LAMA3: variants seen among roughly 807,000 people sequenced by gnomAD.
The protein encoded by LAMA3 is laminin subunit alpha 3.
A neutral mutation model predicts 402.0 loss-of-function variants in LAMA3; 281 were observed. That is an observed-to-expected ratio of 0.70 (90% CI 0.63 to 0.77). The LOEUF (loss-of-function observed/expected upper bound fraction) is 0.77, where lower values mean the gene tolerates loss of function less well. Among genes scored for constraint, LAMA3 ranks in the 30% least tolerant of loss-of-function variants. LAMA3 has a pLI of 0.00. For synonymous variants in LAMA3, 1,431 were observed against 1,558.4 expected, an observed-to-expected ratio of 0.92 and a Z score of 1.93; for missense variants, 3,840 against 4,215.5, an observed-to-expected ratio of 0.91 and a Z score of 2.47.
intron 51 of LAMA3, 24 bp from the exon 52 acceptor site, chr18:23,905,498 G>A (rs2081211965): frequency 7.8e-7 from 1 of 1,281,384 alleles, no homozygotes. Context: ...ATTTGTTTAA[G>A]GCTGTTAAAT....
intron 13 of LAMA3, among the ~76,000 whole-genome samples, chr18:23,811,696 C>T (rs981611778): frequency 3.3e-5 from 5 of 151,780 alleles, no homozygotes; most frequent in South Asian, 4.2e-4. Context: ...TTGGGTATTA[C>T]GGAAAAATGC....
intron 2 of LAMA3, among the ~76,000 whole-genome samples, chr18:23,746,190 T>G (rs770644055): frequency 1.3e-5 from 2 of 152,168 alleles, no homozygotes; most frequent in African/African-American, 2.4e-5. Context: ...AATAAGCACT[T>G]TTTTCAAGAT....
intron 42 of LAMA3, among the ~76,000 whole-genome samples, chr18:23,890,807 A>G (rs1323533711): frequency 6.6e-6 from 1 of 152,230 alleles, no homozygotes; most frequent in Non-Finnish European, 1.5e-5. Flanking sequence ...ACTATCCCCA[A>G]AGGAATGCAG....
At chr18:23,948,035 A>G (rs1007151698) in intron 70 of LAMA3, among the ~76,000 whole-genome samples, 21 of 152,038 alleles carry the variant, frequency 1.4e-4, no homozygotes, top group African/African-American at 4.8e-4. Context: ...AATGGTCTCG[A>G]TCTCCTGACC....
intron 55 of LAMA3, among the ~76,000 whole-genome samples, chr18:23,911,265 C>A (rs180857372): frequency 6.6e-6 from 1 of 152,164 alleles, no homozygotes; most frequent in Non-Finnish European, 1.5e-5. Context: ...GATTTAATGC[C>A]TTGCATATAC....
intron 8 of LAMA3, among the ~76,000 whole-genome samples, chr18:23,772,297 C>G (rs1403482215): frequency 6.6e-6 from 1 of 152,212 alleles, no homozygotes; most frequent in Admixed American, 6.5e-5. Flanking sequence ...ACTTTGGCCT[C>G]CCAGACTGCT....
intron 65 of LAMA3, 145 bp downstream of exon 65, chr18:23,931,346 C>T (rs2082156740): frequency 4.2e-6 from 3 of 712,168 alleles, no homozygotes; most frequent in Admixed American, 2.3e-5. Context: ...TTCCTTTTTC[C>T]ATATCAATTT....
intron 39 of LAMA3, among the ~76,000 whole-genome samples, chr18:23,880,401 C>T (rs2144904854): frequency 6.6e-6 from 1 of 152,310 alleles, no homozygotes; most frequent in African/African-American, 2.4e-5. Flanking sequence ...GATATTTTAA[C>T]ATCTTAGTGT....
At chr18:23,735,594 C>T (rs1309080106) in intron 2 of LAMA3, among the ~76,000 whole-genome samples, 5 of 152,176 alleles carry the variant, frequency 3.3e-5, no homozygotes, top group Admixed American at 1.3e-4. Flanking sequence ...CCTTGAGGTG[C>T]GCTCACTGCT....
chr18:23,857,967 G>C lies in LAMA3; in HGVS notation c.4260G>C (p.Gly1420=), dbSNP rs867449. 908,819 of 1,613,780 alleles carry C rather than the reference G, an allele frequency of 0.56. 268,765 individuals carry two copies. Among genetic ancestry groups the C allele is most frequent in the Non-Finnish European group, 0.62 (728,928 of 1,179,838 alleles). ...DGTEPGVCDP[G]TGACLCKENV... ...CTGAGCCAGGAGTGTGTGACCCAGG[G>C]ACCGGGGCTTGCCTCTGCAAGGTAA... The change falls in exon 33 of 75, where the codon GGG becomes GGC. Residue 1420 remains glycine, a synonymous_variant. Transcript: ENST00000313654.
rs140617840 is a variant in LAMA3 at position 23,889,698 on chromosome 18, GAGGGAGGA to G, written c.5304-301_5304-294del. Among the ~76,000 whole-genome samples, 65,808 of 124,764 alleles carry G rather than the reference GAGGGAGGA, an allele frequency of 0.53. 17,671 individuals carry two copies. Among genetic ancestry groups the G allele is most frequent in the Middle Eastern group, 0.62 (167 of 268 alleles). The allele number at this position is 124,764 out of a possible 152,430, so 81.9% of individuals were successfully genotyped here. On this transcript the variant is annotated intron_variant, in intron 41 of 74. Coordinates refer to ENST00000313654, the MANE Select transcript of LAMA3 (RefSeq NM_198129.4). ...GGAGGAAGGAAGGAAGGAAGGAAGG[GAGGGAGGA>G]AGGGAGGAAGGAAGGAAGAAAGGAA...
At chr18:23,730,404 T>C (rs2061373652) in intron 2 of LAMA3, among the ~76,000 whole-genome samples, 1 of 149,210 alleles carries the variant, frequency 6.7e-6, no homozygotes, top group South Asian at 2.2e-4. Context: ...AGTCTCGCTC[T>C]GTTATCCAGG....
At position 23,871,557 on chromosome 18, in the gene LAMA3, A is replaced by C; in HGVS notation, c.4894A>C (p.Ser1632Arg). The change falls in exon 38 of 75, where the codon AGC becomes CGC. Residue 1632 changes from serine to arginine, a missense_variant. Around this residue, in one of 3 missense-constraint regions of LAMA3, gnomAD observed 2,109 missense variants for 2,376.0 expected, o/e 0.89. Transcript: ENST00000313654. Reference protein sequence around the residue: ...YFTETQRLTLSEVGLEEASDT... With the variant: ...YFTETQRLTLREVGLEEASDT... ...CACAGAGACTCAAAGGCTCACCCTG[A>C]GCGAGGTGGGGCTAGAGGAAGCCTC... The C allele has an allele frequency of 6.2e-7, 1 of 1,614,230 alleles. No individual in the cohort carries two copies. Among genetic ancestry groups the C allele is most frequent in the African/African-American group, 1.3e-5 (1 of 75,060 alleles).
In LAMA3 at chr18:23,864,871, T is replaced by C. The variant is rs1412277237; in HGVS notation, c.4671T>C (p.Asp1557=). The C allele has an allele frequency of 3.1e-6, 5 of 1,611,678 alleles. No homozygotes were observed. The highest frequency in any genetic ancestry group is 3.4e-6 in the Non-Finnish European group (4 of 1,178,040). ...GDMVLLEKKP[D]VQLTGQHMSI... ...TGGTTCTTCTGGAAAAGAAGCCGGA[T>C]GTACAGCTCACTGTAGGTATCAGAG... Residue 1557 remains aspartate (D), a synonymous_variant, in exon 36 of 75, where the codon GAT becomes GAC. Transcript: ENST00000313654.
chr18:23,872,801 T>G, intron 38 of LAMA3: 1 of 532,254 alleles, frequency 1.9e-6, no homozygotes, highest in Non-Finnish European at 3.4e-6. Flanking sequence ...GTCTGCAGGG[T>G]GAGGTGGGTG....
intron 12 of LAMA3, among the ~76,000 whole-genome samples, chr18:23,797,014 C>T (rs1401929730): frequency 1.3e-5 from 2 of 152,260 alleles, no homozygotes; most frequent in South Asian, 2.1e-4. Flanking sequence ...GGGTCAGCCT[C>T]TGCTGGATTC....
At chr18:23,794,692 A>G (rs1403332871) in intron 12 of LAMA3, among the ~76,000 whole-genome samples, 2 of 152,218 alleles carry the variant, frequency 1.3e-5, no homozygotes, top group African/African-American at 4.8e-5. Flanking sequence ...CACCCACACT[A>G]CGTGAAATTG....
intron 38 of LAMA3, among the ~76,000 whole-genome samples, chr18:23,875,564 C>T (rs1466887605): frequency 6.6e-6 from 1 of 152,098 alleles, no homozygotes; most frequent in African/African-American, 2.4e-5. Flanking sequence ...CCCCTGGCTT[C>T]TCTGTTGCCC....
At position 23,864,821 on chromosome 18, in the gene LAMA3, A is replaced by G. The variant is rs779341562; in HGVS notation, c.4621A>G (p.Lys1541Glu). The stretch of plus-strand genomic sequence containing the variant: ...TGGTGGTTACCTCACTTACCAAGCC[A>G]AGTCCTTTGGCTTGCCTGGCGACAT... ...SYGGYLTYQA[K>E]SFGLPGDMVL... Residue 1541 changes from lysine to glutamate, a missense_variant, in exon 36 of 75, where the codon AAG becomes GAG. Transcript: ENST00000313654. 3 of 1,613,758 alleles carry G rather than the reference A, an allele frequency of 1.9e-6. No homozygotes were observed. The South Asian group carries it at 3.3e-5, about 18-fold the overall frequency.
Sources: gnomAD v4.1 joint callset for allele counts (sites outside exome capture counted in the v4.1 genomes callset) on GRCh38, gnomAD v4.1.1 for gene constraint, gnomAD v4.1.1 regional missense constraint, MANE v1.5 for transcripts, NCBI Gene and HGNC (gene_info 2026-07-23, HGNC 2026-07-21) for gene names.